The following ELAVL4 variants were observed in gnomAD, a reference collection of about 807,000 sequenced individuals.
ELAVL4 encodes the protein ELAV like RNA binding protein 4, also known as ELAV-like protein 4.
In ELAVL4, 1 loss-of-function variant was observed where a neutral mutation model predicts 35.6. The observed-to-expected ratio is 0.03, with a 90% CI of 0.01 to 0.13. The LOEUF (loss-of-function observed/expected upper bound fraction) is 0.13, where lower values mean the gene tolerates loss of function less well. Among genes scored for constraint, ELAVL4 ranks in the 10% least tolerant of loss-of-function variants. The probability of loss-of-function intolerance (pLI) is 1.00; values close to 1 mark genes in which losing one functional copy is unlikely to be tolerated. For synonymous variants in ELAVL4, 156 were observed against 171.0 expected (o/e 0.91, Z 0.69); for missense variants, 267 against 464.9 (o/e 0.57, Z 3.91).
intron 1 of ELAVL4, among the ~76,000 whole-genome samples, chr1:50,137,202 T>C (rs929021461): frequency 1.3e-5 from 2 of 152,120 alleles, no homozygotes; most frequent in Non-Finnish European, 2.9e-5. Context: ...ATTTTTATAC[T>C]ACCATTTTTA....
intron 2 of ELAVL4, among the ~76,000 whole-genome samples, chr1:50,157,536 A>G (rs978496013): frequency 6.6e-6 from 1 of 152,202 alleles, no homozygotes; most frequent in African/African-American, 2.4e-5. Context: ...TCAGTGTCTA[A>G]CTGTTATTAA....
intron 1 of ELAVL4, among the ~76,000 whole-genome samples, chr1:50,065,009 T>C (rs1445845844): frequency 1.3e-5 from 2 of 152,066 alleles, no homozygotes; most frequent in Admixed American, 1.3e-4. Context: ...AACTGTCGGC[T>C]GGCAATTAAG....
At chr1:50,048,259 G>A in intron 1 of ELAVL4, 1 of 1,417,026 alleles carries the variant, frequency 7.1e-7, no homozygotes, top group East Asian at 2.9e-5. Context: ...GGGCCACGTG[G>A]TCGCGACTGG....
chr1:50,108,178 C>T (rs1464655583), upstream of ELAVL4, among the ~76,000 whole-genome samples: 22 of 152,134 alleles, frequency 1.4e-4, no homozygotes, highest in Admixed American at 1.4e-3. Context: ...TTTTGAAAAG[C>T]TCAGACAGAA....
intron 1 of ELAVL4, among the ~76,000 whole-genome samples, chr1:50,066,558 C>A (rs904120354): frequency 2.0e-5 from 3 of 152,160 alleles, no homozygotes; most frequent in African/African-American, 7.2e-5. Context: ...GCCTCAAACT[C>A]AGCACGTCCA....
At chr1:50,138,464 G>A (rs1672263691) in intron 1 of ELAVL4, among the ~76,000 whole-genome samples, 1 of 136,098 alleles carries the variant, frequency 7.3e-6, no homozygotes, top group African/African-American at 2.8e-5. Flanking sequence ...TTGAATGAGT[G>A]CTTTTTTTTT....
intron 3 of ELAVL4, among the ~76,000 whole-genome samples, chr1:50,179,329 G>T (rs1024968372): frequency 6.6e-6 from 1 of 152,054 alleles, no homozygotes; most frequent in African/African-American, 2.4e-5. Context: ...CAAACCTGGG[G>T]ACTTCAGCCC....
At chr1:50,123,630 A>G (rs1669396044) in intron 1 of ELAVL4, among the ~76,000 whole-genome samples, 1 of 152,062 alleles carries the variant, frequency 6.6e-6, no homozygotes, top group East Asian at 1.9e-4. Flanking sequence ...AAGTCTAGGT[A>G]GCTTCACAAA....
intron 1 of ELAVL4, among the ~76,000 whole-genome samples, chr1:50,071,833 G>C (rs950807092): frequency 6.6e-6 from 1 of 152,134 alleles, no homozygotes; most frequent in Non-Finnish European, 1.5e-5. Context: ...GGGAGGAGGA[G>C]AGGCTCCCTA....
intron 2 of ELAVL4, among the ~76,000 whole-genome samples, chr1:50,170,309 G>A (rs899336410): frequency 2.6e-5 from 4 of 152,124 alleles, no homozygotes; most frequent in Admixed American, 6.6e-5. Flanking sequence ...GAGTTTATTG[G>A]AGCAGAAAGA....
intron 1 of ELAVL4, among the ~76,000 whole-genome samples, chr1:50,054,746 T>G (rs2148471018): frequency 6.6e-6 from 1 of 152,338 alleles, no homozygotes; most frequent in East Asian, 1.9e-4. Flanking sequence ...CATTTGCCCT[T>G]GAGATGTTAC....
At chr1:50,102,000 A>C (rs1296980892), upstream of ELAVL4, among the ~76,000 whole-genome samples, 1 of 152,112 alleles carries the variant, frequency 6.6e-6, no homozygotes, top group East Asian at 1.9e-4. Flanking sequence ...AATTCCTGTT[A>C]ATTTCATCCA....
At chr1:50,070,354 G>A (rs1266411502) in intron 1 of ELAVL4, among the ~76,000 whole-genome samples, 3 of 152,298 alleles carry the variant, frequency 2.0e-5, no homozygotes, top group African/African-American at 7.2e-5. Context: ...GGGATAGGGA[G>A]AATGGGGTCC....
chr1:50,133,623 GAAAGAAAGAAAGA>G (rs1300085362), intron 1 of ELAVL4, among the ~76,000 whole-genome samples: 1 of 148,266 alleles, frequency 6.7e-6, no homozygotes, highest in Non-Finnish European at 1.5e-5. Context: ...AAGAAAGAAA[GAAAGAAAGAAAGA>G]AAGAAAGAAA....
chr1:50,072,680 A>G (rs112815239), intron 1 of ELAVL4, among the ~76,000 whole-genome samples: 1 of 152,234 alleles, frequency 6.6e-6, no homozygotes, highest in East Asian at 1.9e-4. Flanking sequence ...GCTGGGAATG[A>G]CATAAATCAT....
At chr1:50,150,599 A>G (rs751556678) in intron 2 of ELAVL4, among the ~76,000 whole-genome samples, 4 of 152,204 alleles carry the variant, frequency 2.6e-5, no homozygotes, top group South Asian at 4.1e-4. Flanking sequence ...GACAGAGTAC[A>G]GTCTATTGGG....
intron 2 of ELAVL4, 118 bp downstream of exon 2, chr1:50,145,315 T>TGCA: frequency 1.4e-6 from 2 of 1,463,842 alleles, no homozygotes; most frequent in Non-Finnish European, 1.9e-6. Context: ...CAAGATGGCA[T>TGCA]GGATACACAG....
intron 3 of ELAVL4, chr1:50,181,282 T>C (rs1022957497): frequency 6.6e-6 from 1 of 152,238 alleles, no homozygotes; most frequent in African/African-American, 2.4e-5. Flanking sequence ...GGAAGGAGAA[T>C]AAAAAGCAAA....
At chr1:50,194,471 T>C (rs771411331) in intron 4 of ELAVL4, among the ~76,000 whole-genome samples, 9 of 152,178 alleles carry the variant, frequency 5.9e-5, no homozygotes, top group Non-Finnish European at 1.2e-4. Flanking sequence ...GTAAGAAATG[T>C]CAGGTACTCT....
Sources: gnomAD v4.1 joint callset for allele counts (sites outside exome capture counted in the v4.1 genomes callset) on GRCh38, gnomAD v4.1.1 for gene constraint, MANE v1.5 for transcripts, NCBI Gene and HGNC (gene_info 2026-07-23, HGNC 2026-07-21) for gene names.